Variants in RAP2A observed in about 807,000 individuals in gnomAD.
RAP2A encodes the protein ras-related protein Rap-2a.
In RAP2A, 5 loss-of-function variants were observed where a neutral mutation model predicts 15.1. The observed-to-expected ratio is 0.33, with a 90% confidence interval of 0.17 to 0.70. The LOEUF (loss-of-function observed/expected upper bound fraction) is 0.70. RAP2A is among the 30% of genes least tolerant of loss of function. The probability of loss-of-function intolerance (pLI) is 0.68; values close to 1 mark genes in which losing one functional copy is unlikely to be tolerated. For synonymous variants in RAP2A, 110 were observed against 99.7 expected, an observed-to-expected ratio of 1.10 and a Z score of -0.62; for missense variants, 111 against 240.3, an observed-to-expected ratio of 0.46 and a Z score of 3.56.
chr13:97,437,811 A>T (rs1390335409), intron 1 of RAP2A, among the ~76,000 whole-genome samples: 1 of 152,242 alleles, frequency 6.6e-6, no homozygotes, highest in African/African-American at 2.4e-5. Flanking sequence ...AATGCATAGC[A>T]CTAATGCATA....
chr13:97,462,143 T>A (rs1293707122), intron 1 of RAP2A, among the ~76,000 whole-genome samples: 1 of 149,808 alleles, frequency 6.7e-6, no homozygotes, highest in Admixed American at 6.7e-5. Flanking sequence ...AGTGATCTTA[T>A]CACTTTTTAT....
chr13:97,455,155 T>TAAC (rs2066717713), intron 1 of RAP2A, among the ~76,000 whole-genome samples: 1 of 151,562 alleles, frequency 6.6e-6, no homozygotes, highest in Non-Finnish European at 1.5e-5. Flanking sequence ...TTTTTGTTGA[T>TAAC]CTGTTAAGTT....
intron 1 of RAP2A, among the ~76,000 whole-genome samples, chr13:97,439,836 G>A (rs910547047): frequency 9.2e-5 from 14 of 152,204 alleles, no homozygotes; most frequent in Non-Finnish European, 1.2e-4. Context: ...GAGAAGGCGT[G>A]GGGTGTTTTA....
rs1349666383 is a variant in RAP2A, at chr13:97,468,057, A to C, written c.*3615A>C. ...TGTATTATATACAAAAACAATTAAA[A>C]ATTGCCATATAATGAATTTAGTACT... On this transcript the variant is annotated 3_prime_UTR_variant, in exon 2 of 2. Transcript: ENST00000245304. 1 of 152,234 alleles carries C rather than the reference A, an allele frequency of 6.6e-6. No individual in the cohort carries two copies. Among genetic ancestry groups the C allele is most frequent in the Non-Finnish European group, 1.5e-5 (1 of 68,038 alleles). 9.4% of individuals were successfully genotyped at this position (152,234 alleles called of 1,614,324 possible).
In RAP2A at chr13:97,448,019, A is replaced by G. The variant is rs115300385; in HGVS notation, c.314+13235A>G. Among the ~76,000 whole-genome samples, 390 of 145,636 alleles carry G rather than the reference A, an allele frequency of 2.7e-3. 2 individuals are homozygous for G. The highest frequency in any genetic ancestry group is 9.4e-3 in the African/African-American group (369 of 39,272). On this transcript the variant is annotated intron_variant, in intron 1 of 1. Coordinates refer to ENST00000245304, the MANE Select transcript of RAP2A (RefSeq NM_021033.7). ...TTTTTTTATTAACCCACCTTGTCTT[A>G]GCTAGGCCTTCAGAGCCATGGTTCA...
At position 97,466,223 on chromosome 13, in the gene RAP2A, AG is replaced by A. The variant is rs1451017036; in HGVS notation, c.*1782del. On this transcript the variant is annotated 3_prime_UTR_variant, in exon 2 of 2. Transcript: ENST00000245304. Reference sequence around the variant, plus strand: ...GCTTAGAGGGTGAAAAAAAAAAAAAAGATTGATAGTATTTTTCATAATGAAA... The same window carrying A: ...GCTTAGAGGGTGAAAAAAAAAAAAAAATTGATAGTATTTTTCATAATGAAA... 6.6e-6 allele frequency: 1 copy of A among 151,728 alleles called. No individual in the cohort carries two copies. The highest frequency in any genetic ancestry group is 1.5e-5 in the Non-Finnish European group (1 of 67,968). The allele number at this position is 151,728 out of a possible 1,614,324, so 9.4% of individuals were successfully genotyped here. A position where few individuals can be genotyped will look rare whatever the true frequency, so the allele number is the denominator to read the frequency against.
chr13:97,450,622 C>T (rs908304367), intron 1 of RAP2A, among the ~76,000 whole-genome samples: 1 of 151,736 alleles, frequency 6.6e-6, no homozygotes, highest in Non-Finnish European at 1.5e-5. Flanking sequence ...TGACCACTTT[C>T]GTCCACCTTA....
rs755647629 is a variant in RAP2A at position 97,434,707 on chromosome 13, C to T, written c.237C>T (p.Ile79=). 1.2e-6 allele frequency: 2 copies of T among 1,614,166 alleles called. No homozygotes were observed. Among genetic ancestry groups the T allele is most frequent in the Non-Finnish European group, 8.5e-7 (1 of 1,180,020 alleles). ...ACATCAAGAACGGCCAGGGCTTCATCCTCGTCTACAGCCTCGTCAACCAGC... is the reference window on the plus strand; with the variant it reads ...ACATCAAGAACGGCCAGGGCTTCATTCTCGTCTACAGCCTCGTCAACCAGC... ...DLYIKNGQGF[I]LVYSLVNQQS... Residue 79 remains isoleucine, a synonymous_variant, in exon 1 of 2, where the codon ATC becomes ATT. Transcript: ENST00000245304.
intron 1 of RAP2A, among the ~76,000 whole-genome samples, chr13:97,455,787 C>T (rs1357267376): frequency 6.6e-6 from 1 of 151,436 alleles, no homozygotes; most frequent in Non-Finnish European, 1.5e-5. Context: ...GAATCTTTTT[C>T]TCTACTTTTC....
At chr13:97,442,308 G>A (rs2066661444) in intron 1 of RAP2A, among the ~76,000 whole-genome samples, 1 of 151,868 alleles carries the variant, frequency 6.6e-6, no homozygotes, top group Admixed American at 6.6e-5. Flanking sequence ...ATTTGTTTTT[G>A]TTTTTTATTT....
intron 1 of RAP2A, among the ~76,000 whole-genome samples, chr13:97,438,183 CAGGATCAGCCA>C (rs2066642137): frequency 6.6e-6 from 1 of 152,114 alleles, no homozygotes; most frequent in Middle Eastern, 3.2e-3. Context: ...TTACCCATGC[CAGGATCAGCCA>C]TGGTCCTGAC....
chr13:97,444,819 A>AC (rs1187466535), intron 1 of RAP2A, among the ~76,000 whole-genome samples: 2 of 152,232 alleles, frequency 1.3e-5, no homozygotes, highest in African/African-American at 4.8e-5. Flanking sequence ...AAGACTAATG[A>AC]CAACAATTGT....
At position 97,466,742 on chromosome 13, in the gene RAP2A, G is replaced by GT. The variant is rs2066773397; in HGVS notation, c.*2301dup. On this transcript the variant is annotated 3_prime_UTR_variant, in exon 2 of 2. Coordinates refer to ENST00000245304, the MANE Select transcript of RAP2A (RefSeq NM_021033.7). ...TGTATTAATAGTTAAAAACATTTGT[G>GT]TCAGATGACAGGGTGGGCTTTTACT... 6.6e-6 allele frequency: 1 copy of GT among 152,188 alleles called. No individual in the cohort carries two copies. Among genetic ancestry groups the GT allele is most frequent in the Admixed American group, 6.5e-5 (1 of 15,278 alleles). The allele number at this position is 152,188 out of a possible 1,614,324, so 9.4% of individuals were successfully genotyped here. A position where few individuals can be genotyped will look rare whatever the true frequency, so the allele number is the denominator to read the frequency against.
At chr13:97,458,773 G>A (rs1331997694) in intron 1 of RAP2A, among the ~76,000 whole-genome samples, 5 of 151,472 alleles carry the variant, frequency 3.3e-5, no homozygotes, top group Admixed American at 6.6e-5. Flanking sequence ...TACAAGAAAG[G>A]AGAAAGCAAA....
intron 1 of RAP2A, among the ~76,000 whole-genome samples, chr13:97,454,058 G>A (rs1245234661): frequency 2.0e-5 from 3 of 151,028 alleles, no homozygotes; most frequent in Non-Finnish European, 4.4e-5. Flanking sequence ...TTGTCGGATC[G>A]ATGTTTTGAA....
chr13:97,462,526 T>A (rs2066752243), intron 1 of RAP2A, among the ~76,000 whole-genome samples: 1 of 152,190 alleles, frequency 6.6e-6, no homozygotes, highest in Non-Finnish European at 1.5e-5. Flanking sequence ...TAGAAGATGT[T>A]AAAAACCCTT....
intron 1 of RAP2A, among the ~76,000 whole-genome samples, chr13:97,450,658 TAAA>T (rs59138188): frequency 7.6e-5 from 11 of 145,394 alleles, no homozygotes; most frequent in African/African-American, 2.8e-4. Flanking sequence ...ATATTACGCT[TAAA>T]AAAAAAAAAG....
chr13:97,464,587 C>A lies in RAP2A; in HGVS notation c.*145C>A. On this transcript the variant is annotated 3_prime_UTR_variant, in exon 2 of 2. Coordinates refer to ENST00000245304, the MANE Select transcript of RAP2A (RefSeq NM_021033.7). Reference sequence around the variant, plus strand: ...TTATTCAGAATTGAGCAGTGATTGTCAGTTGATATCTCTGAGTAACATTTG... The same window carrying A: ...TTATTCAGAATTGAGCAGTGATTGTAAGTTGATATCTCTGAGTAACATTTG... The A allele has an allele frequency of 2.7e-6, 2 of 749,028 alleles. No individual in the cohort carries two copies. The highest frequency in any genetic ancestry group is 4.4e-6 in the Non-Finnish European group (2 of 453,246). The allele number at this position is 749,028 out of a possible 1,614,324, so 46.4% of individuals were successfully genotyped here.
At chr13:97,460,931 T>C (rs564372092) in intron 1 of RAP2A, among the ~76,000 whole-genome samples, 1 of 152,326 alleles carries the variant, frequency 6.6e-6, no homozygotes, top group South Asian at 2.1e-4. Flanking sequence ...CAACTCGGTT[T>C]GCCCTCAGGA....
Sources: allele counts gnomAD v4.1 joint callset (sites outside exome capture counted in the v4.1 genomes callset), GRCh38; gene constraint gnomAD v4.1.1; transcripts MANE v1.5; gene names NCBI Gene and HGNC (gene_info 2026-07-23, HGNC 2026-07-21).